Variants in COL22A1 observed in about 807,000 individuals in gnomAD.
The protein encoded by COL22A1 is collagen alpha-1(XXII) chain.
COL22A1 carries 221 observed loss-of-function variants against 248.9 expected under a neutral mutation model. That is an observed-to-expected ratio of 0.89 (90% CI 0.80 to 0.99). COL22A1 has a LOEUF of 0.99. COL22A1 is among the 50% of genes least tolerant of loss of function. The probability of loss-of-function intolerance (pLI) is 0.00; values close to 1 mark genes in which losing one functional copy is unlikely to be tolerated. For missense variants in COL22A1, 2,240 were observed against 2,179.0 expected, an observed-to-expected ratio of 1.03 and a Z score of -0.56; for synonymous variants, 891 against 793.4, an observed-to-expected ratio of 1.12 and a Z score of -2.07.
At chr8:138,663,012 T>TCACACACACACACACA (rs1238032353) in intron 42 of COL22A1, among the ~76,000 whole-genome samples, 3,652 of 140,834 alleles carry the variant, frequency 0.026, 78 homozygotes, top group Middle Eastern at 0.034. Context: ...CAGGACTCTG[T>TCACACACACACACACA]CACTCACACA....
chr8:138,666,859 T>C lies in COL22A1; in HGVS notation c.3151-3119A>G, dbSNP rs143251837. On this transcript the variant is annotated intron_variant, in intron 41 of 64. Coordinates refer to ENST00000303045, the MANE Select transcript of COL22A1 (RefSeq NM_152888.3). Reference sequence around the variant, plus strand: ...CACTTTGAAGGATGCGTTTTTAAATTAAAGGTCTTCATTTCAAATCTTAGC... The same window carrying C: ...CACTTTGAAGGATGCGTTTTTAAATCAAAGGTCTTCATTTCAAATCTTAGC... Among the ~76,000 whole-genome samples, 10 of 152,354 alleles carry C rather than the reference T, an allele frequency of 6.6e-5. No homozygotes were observed. In the East Asian group the frequency reaches 1.7e-3, roughly 26 times the overall value.
At chr8:138,810,007 AAT>A (rs1390304714) in intron 9 of COL22A1, among the ~76,000 whole-genome samples, 3 of 152,212 alleles carry the variant, frequency 2.0e-5, no homozygotes, top group Non-Finnish European at 4.4e-5. Flanking sequence ...AGACATTTTC[AAT>A]CTAATGTGAT....
chr8:138,654,654 C>T (rs1347346286), intron 45 of COL22A1, among the ~76,000 whole-genome samples: 1 of 152,118 alleles, frequency 6.6e-6, no homozygotes, highest in African/African-American at 2.4e-5. Flanking sequence ...TGCAGCACCC[C>T]TGTTCTTTCT....
chr8:138,692,045 G>GGT (rs767960506), intron 35 of COL22A1, among the ~76,000 whole-genome samples: 3 of 122,882 alleles, frequency 2.4e-5, no homozygotes, highest in South Asian at 5.8e-4. Flanking sequence ...CATTTGTGAA[G>GGT]GTGTGTGTGT....
At chr8:138,766,377 T>C (rs1833910332) in intron 16 of COL22A1, among the ~76,000 whole-genome samples, 1 of 151,296 alleles carries the variant, frequency 6.6e-6, no homozygotes, top group African/African-American at 2.4e-5. Context: ...TGCGTGGTCA[T>C]TAGCAGGGGC....
chr8:138,860,035 T>C (rs889745916), intron 3 of COL22A1, among the ~76,000 whole-genome samples: 1 of 152,206 alleles, frequency 6.6e-6, no homozygotes, highest in Non-Finnish European at 1.5e-5. Flanking sequence ...ATCAGTTATC[T>C]GCTCACATTT....
chr8:138,789,456 C>A (rs970496082), intron 12 of COL22A1, among the ~76,000 whole-genome samples: 2 of 152,114 alleles, frequency 1.3e-5, no homozygotes, highest in African/African-American at 4.8e-5. Flanking sequence ...ATTAAGCCAG[C>A]CATGAACAAA....
intron 40 of COL22A1, among the ~76,000 whole-genome samples, chr8:138,678,867 A>G (rs1478941395): frequency 6.6e-6 from 1 of 152,168 alleles, no homozygotes; most frequent in Non-Finnish European, 1.5e-5. Flanking sequence ...ACAACTATAT[A>G]AGGTTGAGAA....
At chr8:138,813,652 CACT>C in intron 7 of COL22A1, among the ~76,000 whole-genome samples, 2 of 66,488 alleles carry the variant, frequency 3.0e-5, no homozygotes, top group Non-Finnish European at 7.8e-5. Context: ...TTTCGTTCTA[CACT>C]GAAGGGGCTT....
chr8:138,905,569 C>G (rs1452799966), intron 1 of COL22A1, among the ~76,000 whole-genome samples: 1 of 152,144 alleles, frequency 6.6e-6, no homozygotes, highest in Non-Finnish European at 1.5e-5. Context: ...CATTTCTGCC[C>G]CTGGGGGACA....
At chr8:138,645,480 T>A (rs1174447633) in intron 47 of COL22A1, among the ~76,000 whole-genome samples, 1 of 152,236 alleles carries the variant, frequency 6.6e-6, no homozygotes, top group Non-Finnish European at 1.5e-5. Context: ...CTTTGCTGTG[T>A]GTCTCTTGTT....
intron 60 of COL22A1, among the ~76,000 whole-genome samples, chr8:138,600,334 C>T (rs1038915308): frequency 1.5e-4 from 23 of 152,090 alleles, no homozygotes; most frequent in South Asian, 2.1e-4. Context: ...AGATGGTAAT[C>T]GTAAATGTGT....
At chr8:138,664,209 G>GCACACACACA (rs1173353118) in intron 41 of COL22A1, among the ~76,000 whole-genome samples, 5 of 103,200 alleles carry the variant, frequency 4.8e-5, no homozygotes, top group East Asian at 6.5e-4. Flanking sequence ...GCGCGCGCGC[G>GCACACACACA]CACACACACA....
At chr8:138,615,121 G>A (rs1483481607) in intron 55 of COL22A1, among the ~76,000 whole-genome samples, 1 of 152,226 alleles carries the variant, frequency 6.6e-6, no homozygotes, top group Non-Finnish European at 1.5e-5. Context: ...TGTGGAGCTG[G>A]TGGATTCTGG....
chr8:138,746,036 C>A (rs1274466561), intron 22 of COL22A1, among the ~76,000 whole-genome samples: 1 of 152,250 alleles, frequency 6.6e-6, no homozygotes, highest in Non-Finnish European at 1.5e-5. Context: ...GCATCTCCTG[C>A]AGCTCCGGGG....
chr8:138,660,358 CT>C (rs1276040000), intron 44 of COL22A1, 77 bp downstream of exon 44: 3 of 1,260,744 alleles, frequency 2.4e-6, no homozygotes, highest in Non-Finnish European at 3.5e-6. Context: ...ACCTCTTGAA[CT>C]TTCTGAGTTG....
intron 21 of COL22A1, among the ~76,000 whole-genome samples, chr8:138,752,813 C>T (rs558057068): frequency 1.3e-5 from 2 of 152,326 alleles, no homozygotes; most frequent in East Asian, 3.9e-4. Flanking sequence ...CTGAAGCCAG[C>T]TTCTCAATTC....
chr8:138,676,462 A>AAAGAAAGAAAGG lies in COL22A1; in HGVS notation c.3150+95_3150+96insCCTTTCTTTCTT, dbSNP rs1554744103. 431 of 605,886 alleles carry AAAGAAAGAAAGG rather than the reference A, an allele frequency of 7.1e-4. 3 individuals carry two copies. In the African/African-American group the frequency reaches 7.8e-3, roughly 11 times the overall value. The allele number at this position is 605,886 out of a possible 1,614,324, so 37.5% of individuals were successfully genotyped here. On this transcript the variant is annotated intron_variant, in intron 41 of 64. Transcript: ENST00000303045. ...GAAAGAAAGAAAGAAAGAAAGGAAG[A>AAAGAAAGAAAGG]AAGAAAGAAAGAAAAGAGTGTTTCT...
rs894719153 is a variant in COL22A1, at chr8:138,902,983, A to G, written c.-73+10636T>C. ...TGGTTACTTTAGCCCTAATACCACT[A>G]ATCACCCATGGATCAGACTGGCGGG... On this transcript the variant is annotated intron_variant, in intron 1 of 64. Transcript: ENST00000303045. Among the ~76,000 whole-genome samples the G allele has an allele frequency of 8.5e-5, 13 of 152,100 alleles. 1 individual carries two copies. Among genetic ancestry groups the G allele is most frequent in the Admixed American group, 2.0e-4 (3 of 15,270 alleles).
Sources: allele counts gnomAD v4.1 joint callset (sites outside exome capture counted in the v4.1 genomes callset), GRCh38; gene constraint gnomAD v4.1.1; transcripts MANE v1.5; gene names NCBI Gene and HGNC (gene_info 2026-07-23, HGNC 2026-07-21).